DNAH10: variants seen among roughly 807,000 people sequenced by gnomAD.
DNAH10 encodes dynein axonemal heavy chain 10.
In DNAH10, 348 loss-of-function variants were observed where a neutral mutation model predicts 506.6. The observed-to-expected ratio is 0.69, with a 90% CI of 0.63 to 0.75. The LOEUF (loss-of-function observed/expected upper bound fraction) is 0.75. Among genes scored for constraint, DNAH10 ranks in the 30% least tolerant of loss-of-function variants. The pLI, the probability that DNAH10 is intolerant of heterozygous loss-of-function variation, is 0.00. For missense variants in DNAH10, 5,179 were observed against 5,787.1 expected, an observed-to-expected ratio of 0.89 and a Z score of 3.41; for synonymous variants, 2,059 against 2,198.6, an observed-to-expected ratio of 0.94 and a Z score of 1.78.
In DNAH10 at chr12:123,819,026, T is replaced by C; in HGVS notation, c.3857T>C (p.Val1286Ala). The change falls in exon 22 of 79, where the codon GTG becomes GCG. Residue 1286 changes from valine (V) to alanine (A), a missense_variant. This residue lies in a region of DNAH10 where 4,844 missense variants were observed against 5,430.5 expected (regional missense o/e 0.89). Transcript: ENST00000673944. ...WSNLFNDSVN[V>A]EHALGDIKRT... is the part of the protein sequence containing the mutation. ...AATCTGTTTAATGATTCAGTGAATG[T>C]GGAGCATGCTCTTGGGGACATAAAG... The C allele has an allele frequency of 6.2e-7, 1 of 1,606,470 alleles. No individual in the cohort carries two copies. The highest frequency in any genetic ancestry group is 8.5e-7 in the Non-Finnish European group (1 of 1,176,308).
At chr12:123,772,729 C>T (rs1434756914) in intron 3 of DNAH10, 105 bp from the exon 4 acceptor site, 4 of 824,096 alleles carry the variant, frequency 4.9e-6, no homozygotes, top group Non-Finnish European at 7.6e-6. Flanking sequence ...GAACATGAGA[C>T]CAGCCATTGT....
Position 123,850,861 on chromosome 12 carries a change from C to T in DNAH10, c.6103-27C>T, listed in dbSNP as rs757188797. ...GGCCGGCCGGGCCACCTAACTGCTT[C>T]TTTCTTTCTTCCTTCTTGCCCTCCA... On this transcript the variant is annotated intron_variant, in intron 34 of 78. Coordinates refer to ENST00000673944, the MANE Select transcript of DNAH10 (RefSeq NM_001372106.1). The surrounding 1 kb of genome is among the most constrained non-coding windows in gnomAD (Gnocchi z 5.5). 1 of 1,591,150 alleles carries T rather than the reference C, an allele frequency of 6.3e-7. No homozygotes were observed. The highest frequency in any genetic ancestry group is 8.6e-7 in the Non-Finnish European group (1 of 1,166,340).
At chr12:123,798,528 T>G (rs1274236755) in intron 13 of DNAH10, among the ~76,000 whole-genome samples, 4 of 152,066 alleles carry the variant, frequency 2.6e-5, no homozygotes, top group African/African-American at 9.7e-5. Flanking sequence ...TCCAGTTGCC[T>G]CCCAGCAGGC....
At chr12:123,864,143 CT>C (rs770676668) in intron 39 of DNAH10, among the ~76,000 whole-genome samples, 2,330 of 117,116 alleles carry the variant, frequency 0.02, 24 homozygotes, top group African/African-American at 0.067. Context: ...ACTTTTTTTT[CT>C]TTTTTTTTTT....
At position 123,785,026 on chromosome 12, in the gene DNAH10, T is replaced by C. The variant is rs10846558; in HGVS notation, c.1231-720T>C. On this transcript the variant is annotated intron_variant, in intron 8 of 78. Transcript: ENST00000673944. This position sits in a 1 kb window ranked among gnomAD's most constrained non-coding sequence, Gnocchi z 4.1. ...AGTTGTTTCTGCATTTTGGCTATTATGAAGAATGCTGCTACGAACATTCTT... is the reference window on the plus strand; with the variant it reads ...AGTTGTTTCTGCATTTTGGCTATTACGAAGAATGCTGCTACGAACATTCTT... Among the ~76,000 whole-genome samples the C allele has an allele frequency of 0.53, 80,638 of 152,174 alleles. 22,693 individuals carry two copies. Among genetic ancestry groups the C allele is most frequent in the East Asian group, 0.94 (4,887 of 5,186 alleles).
chr12:123,804,818 C>A lies in DNAH10; in HGVS notation c.2780-15C>A, dbSNP rs1467258958. On this transcript the variant is annotated splice_polypyrimidine_tract_variant and intron_variant, in intron 17 of 78. Coordinates refer to ENST00000673944, the MANE Select transcript of DNAH10 (RefSeq NM_001372106.1). ...TGTGTTCGTGGACAGCTCTAACAGA[C>A]ATCTTTCTCTCCAGGCGTGAAGGAA... 1 of 1,605,008 alleles carries A rather than the reference C, an allele frequency of 6.2e-7. No homozygotes were observed. The highest frequency in any genetic ancestry group is 1.1e-5 in the South Asian group (1 of 90,844).
At chr12:123,880,079 C>T (rs956404252) in intron 50 of DNAH10, among the ~76,000 whole-genome samples, 1 of 152,172 alleles carries the variant, frequency 6.6e-6, no homozygotes, top group Non-Finnish European at 1.5e-5. Context: ...TTGGGAACCA[C>T]TTGTTTGACT....
intron 21 of DNAH10, among the ~76,000 whole-genome samples, chr12:123,815,432 T>C (rs1403791523): frequency 6.6e-6 from 1 of 152,228 alleles, no homozygotes; most frequent in Non-Finnish European, 1.5e-5. Flanking sequence ...TTATTTTGGA[T>C]TTTCTAGGCA....
chr12:123,884,263 G>A (rs1254236367), intron 51 of DNAH10, among the ~76,000 whole-genome samples: 1 of 152,214 alleles, frequency 6.6e-6, no homozygotes, highest in Non-Finnish European at 1.5e-5. Flanking sequence ...TTGAACTCCT[G>A]ACCTAAGAGG....
rs146942558 is a variant in DNAH10 at position 123,809,651 on chromosome 12, A to AAAC, written c.3144+724_3144+726dup. Among the ~76,000 whole-genome samples the AAAC allele has an allele frequency of 3.5e-3, 523 of 150,992 alleles. 5 individuals are homozygous for AAAC. Among genetic ancestry groups the AAAC allele is most frequent in the East Asian group, 0.032 (163 of 5,164 alleles). On this transcript the variant is annotated intron_variant, in intron 19 of 78. Coordinates refer to ENST00000673944, the MANE Select transcript of DNAH10 (RefSeq NM_001372106.1). Reference sequence around the variant, plus strand: ...GCAACAGAGCAAGACCGTGTCTCTAAAACAACAACAACAACAACAACAACA... The same window carrying AAAC: ...GCAACAGAGCAAGACCGTGTCTCTAAAACAACAACAACAACAACAACAACAACA...
intron 43 of DNAH10, among the ~76,000 whole-genome samples, chr12:123,868,447 C>G (rs557243416): frequency 6.6e-6 from 1 of 152,176 alleles, no homozygotes; most frequent in Non-Finnish European, 1.5e-5. Flanking sequence ...GTGGGCTTCC[C>G]TATCTGTCTT....
intron 10 of DNAH10, among the ~76,000 whole-genome samples, chr12:123,789,342 TAGA>T: frequency 6.6e-6 from 1 of 152,138 alleles, no homozygotes; most frequent in Non-Finnish European, 1.5e-5. Context: ...AAACGCTGCA[TAGA>T]ACTACCTCAG....
intron 62 of DNAH10, 22 bp downstream of exon 62, chr12:123,915,021 C>A (rs373532955): frequency 2.5e-6 from 4 of 1,588,354 alleles, no homozygotes; most frequent in Non-Finnish European, 3.4e-6. Flanking sequence ...CCTCCCAGGG[C>A]GTCTTCTGCC....
chr12:123,933,726 G>A (rs1293438937), intron 77 of DNAH10, among the ~76,000 whole-genome samples: 2 of 152,332 alleles, frequency 1.3e-5, no homozygotes, highest in East Asian at 1.9e-4. Context: ...TTTCTCCGTT[G>A]AGACCTGGGG....
Position 123,847,991 on chromosome 12 carries a change from G to A in DNAH10, c.5845G>A (p.Ala1949Thr), listed in dbSNP as rs761217087. Reference sequence around the variant, plus strand: ...GTCCATGTATCTAGGTGGGGCCCCCGCCGGCCCAGCAGGAACCGGCAAAAC... The same window carrying A: ...GTCCATGTATCTAGGTGGGGCCCCCACCGGCCCAGCAGGAACCGGCAAAAC... ...ALSMYLGGAP[A>T]GPAGTGKTET... Residue 1949 changes from alanine to threonine, a missense_variant, in exon 33 of 79, where the codon GCC (alanine) becomes ACC (threonine). Ala to Thr is a moderately conservative substitution (Grantham distance 58). Transcript: ENST00000673944. 24 of 1,613,462 alleles carry A rather than the reference G, an allele frequency of 1.5e-5. No homozygotes were observed. Among genetic ancestry groups the A allele is most frequent in the East Asian group, 2.2e-5 (1 of 44,868 alleles).
Position 123,916,185 on chromosome 12 carries a change from CT to C in DNAH10, c.10723-271del, listed in dbSNP as rs1380920844. On this transcript the variant is annotated intron_variant, in intron 62 of 78. Transcript: ENST00000673944. This position sits in a 1 kb window ranked among gnomAD's most constrained non-coding sequence, Gnocchi z 4.6. ...CCCTAGTCCAATTCCAACATCTACC[CT>C]CTCTCTTAAAGAGGAGGGGTTCTAG... 6.6e-6 allele frequency among the ~76,000 whole-genome samples: 1 copy of C among 152,210 alleles called. No homozygotes were observed. The highest frequency in any genetic ancestry group is 2.4e-5 in the African/African-American group (1 of 41,456).
intron 41 of DNAH10, among the ~76,000 whole-genome samples, chr12:123,866,393 G>A (rs971536879): frequency 2.1e-4 from 32 of 151,514 alleles, no homozygotes; most frequent in African/African-American, 3.1e-4. Flanking sequence ...ACAGGCGCCC[G>A]CCACCACGAC....
intron 5 of DNAH10, among the ~76,000 whole-genome samples, chr12:123,777,031 A>G (rs938608877): frequency 6.6e-6 from 1 of 152,208 alleles, no homozygotes; most frequent in Admixed American, 6.5e-5. Context: ...AATTTTAGAT[A>G]GGGTGGCCAG....
Position 123,926,747 on chromosome 12 carries a change from T to G in DNAH10, c.12032T>G (p.Met4011Arg). ...GGCTCCGACCCTGCCACTGATCTTATGAAATTAGCAGAGCGAAGTGGTTTT... is the reference window on the plus strand; with the variant it reads ...GGCTCCGACCCTGCCACTGATCTTAGGAAATTAGCAGAGCGAAGTGGTTTT... The part of the protein sequence containing the change: ...SPGSDPATDL[M>R]KLAERSGFGG... The change falls in exon 69 of 79, where the codon ATG (methionine) becomes AGG (arginine). Residue 4011 changes from methionine (M) to arginine (R), a missense_variant. Transcript: ENST00000673944. This position sits in a 1 kb window ranked among gnomAD's most constrained non-coding sequence, Gnocchi z 4.1. 6.2e-7 allele frequency: 1 copy of G among 1,614,006 alleles called. No homozygotes were observed. The highest frequency in any genetic ancestry group is 8.5e-7 in the Non-Finnish European group (1 of 1,179,886).
Sources: allele counts gnomAD v4.1 joint callset (sites outside exome capture counted in the v4.1 genomes callset), GRCh38; gene constraint gnomAD v4.1.1; regional missense constraint gnomAD v4.1.1; non-coding constraint Gnocchi (gnomAD v3.1); transcripts MANE v1.5; gene names NCBI Gene and HGNC (gene_info 2026-07-23, HGNC 2026-07-21).